The following SLC26A7 variants were observed in gnomAD, a reference collection of about 807,000 sequenced individuals.
SLC26A7 encodes anion exchange transporter.
A neutral mutation model predicts 82.5 loss-of-function variants in SLC26A7; 59 were observed. The ratio of observed to expected loss-of-function variants is 0.72; its 90% CI spans 0.58 to 0.89. SLC26A7 has a LOEUF of 0.89. SLC26A7 is among the 40% of genes least tolerant of loss of function. The pLI is 0.00. For synonymous variants in SLC26A7, 271 were observed against 274.3 expected (o/e 0.99, Z 0.12); for missense variants, 820 against 793.0 (o/e 1.03, Z -0.41).
chr8:91,316,821 C>A (rs1365254955), intron 4 of SLC26A7, among the ~76,000 whole-genome samples: 1 of 151,282 alleles, frequency 6.6e-6, no homozygotes, highest in African/African-American at 2.4e-5. Flanking sequence ...CTTCTCAAAG[C>A]TCTCTGGTAA....
chr8:91,297,665 TC>T (rs1812052628), intron 4 of SLC26A7, among the ~76,000 whole-genome samples: 1 of 152,124 alleles, frequency 6.6e-6, no homozygotes, highest in South Asian at 2.1e-4. Context: ...TTATTTGACC[TC>T]CAAACTCTTC....
At chr8:91,277,277 C>A (rs1278064334) in intron 2 of SLC26A7, among the ~76,000 whole-genome samples, 3 of 152,162 alleles carry the variant, frequency 2.0e-5, no homozygotes, top group Non-Finnish European at 2.9e-5. Flanking sequence ...ACATCTCTCT[C>A]GAGTGGAGGC....
chr8:91,338,367 A>C, intron 7 of SLC26A7, 135 bp downstream of exon 7: 1 of 558,002 alleles, frequency 1.8e-6, no homozygotes, highest in Non-Finnish European at 3.0e-6. Context: ...TGATAGAAAT[A>C]CACACTTCAT....
intron 13 of SLC26A7, among the ~76,000 whole-genome samples, chr8:91,365,873 C>T (rs1814178463): frequency 6.6e-6 from 1 of 152,034 alleles, no homozygotes; most frequent in African/African-American, 2.4e-5. Flanking sequence ...TAGAATTTAC[C>T]CTCCTGTCTA....
intron 5 of SLC26A7, among the ~76,000 whole-genome samples, chr8:91,323,726 TC>T (rs1268998914): frequency 6.6e-6 from 1 of 152,138 alleles, no homozygotes; most frequent in Non-Finnish European, 1.5e-5. Context: ...ATGTTGGTTT[TC>T]CCTCTTTCTT....
At chr8:91,376,999 C>G (rs966829165) in intron 15 of SLC26A7, among the ~76,000 whole-genome samples, 1 of 152,120 alleles carries the variant, frequency 6.6e-6, no homozygotes, top group African/African-American at 2.4e-5. Context: ...CTAAAACCAA[C>G]TCAGGGCAGA....
intron 2 of SLC26A7, among the ~76,000 whole-genome samples, chr8:91,234,292 T>G (rs1323124437): frequency 6.6e-6 from 1 of 152,216 alleles, no homozygotes; most frequent in Non-Finnish European, 1.5e-5. Flanking sequence ...ACTTTTTAAT[T>G]CTTTTCAAAA....
rs117571873 is a variant in SLC26A7, at chr8:91,394,374, A to C, written c.1935+335A>C. On this transcript the variant is annotated intron_variant, in intron 18 of 18. Transcript: ENST00000276609. ...GGGGACTTGAATCCACCTTTCTCAA[A>C]TATAAAAACTCTAAATATGGCCTTT... The C allele has an allele frequency of 6.3e-4, 976 of 1,539,200 alleles. 22 individuals are homozygous for C. The East Asian group carries it at 0.017, about 27-fold the overall frequency.
chr8:91,268,590 A>T (rs1586342905), intron 2 of SLC26A7, among the ~76,000 whole-genome samples: 1 of 151,722 alleles, frequency 6.6e-6, no homozygotes, highest in South Asian at 2.1e-4. Flanking sequence ...TAATTCATTC[A>T]GCCATATTCA....
At chr8:91,300,689 G>T (rs1021048335) in intron 4 of SLC26A7, among the ~76,000 whole-genome samples, 2 of 152,192 alleles carry the variant, frequency 1.3e-5, no homozygotes, top group South Asian at 4.1e-4. Context: ...GAGCCACCGC[G>T]CCCGGCCAGA....
chr8:91,383,361 C>G (rs139350877), intron 15 of SLC26A7, among the ~76,000 whole-genome samples: 1 of 152,038 alleles, frequency 6.6e-6, no homozygotes, highest in African/African-American at 2.4e-5. Context: ...CAATGGTAAA[C>G]TTAAGCTAAA....
chr8:91,354,358 G>C (rs1452948731), intron 11 of SLC26A7, among the ~76,000 whole-genome samples: 1 of 152,116 alleles, frequency 6.6e-6, no homozygotes, highest in African/African-American at 2.4e-5. Context: ...CAAAGATACA[G>C]AGATGAGTGT....
chr8:91,374,382 ACT>A (rs1814449473), intron 15 of SLC26A7, among the ~76,000 whole-genome samples: 1 of 135,212 alleles, frequency 7.4e-6, no homozygotes, highest in East Asian at 2.0e-4. Flanking sequence ...ACCTCTTAAC[ACT>A]GTTTTTTTTT....
chr8:91,357,310 A>G (rs1813897506), intron 11 of SLC26A7: 1 of 152,198 alleles, frequency 6.6e-6, no homozygotes, highest in Non-Finnish European at 1.5e-5. Flanking sequence ...ATTATCATCC[A>G]AATTTCACAG....
intron 2 of SLC26A7, among the ~76,000 whole-genome samples, chr8:91,278,553 T>C (rs1811469048): frequency 6.6e-6 from 1 of 152,198 alleles, no homozygotes; most frequent in South Asian, 2.1e-4. Flanking sequence ...TATTTTTTTC[T>C]GGATCATGGA....
intron 5 of SLC26A7, among the ~76,000 whole-genome samples, chr8:91,323,818 C>CTT (rs3086210): frequency 0.12 from 14,145 of 116,922 alleles, 1,148 homozygotes; most frequent in African/African-American, 0.18. Context: ...TTTTTCTTAT[C>CTT]TTTTTTTTTT....
intron 2 of SLC26A7, among the ~76,000 whole-genome samples, chr8:91,239,434 A>ATGTGTATATGTGTATATACG (rs1355404198): frequency 2.0e-5 from 3 of 146,694 alleles, no homozygotes; most frequent in Non-Finnish European, 4.5e-5. Context: ...ATATGTATAT[A>ATGTGTATATGTGTATATACG]TGTGTATATG....
At chr8:91,383,284 A>C (rs1814713933) in intron 15 of SLC26A7, among the ~76,000 whole-genome samples, 1 of 152,090 alleles carries the variant, frequency 6.6e-6, no homozygotes, top group African/African-American at 2.4e-5. Flanking sequence ...AAACTTTGAA[A>C]CTCTCAAACT....
At chr8:91,377,596 G>T (rs1323474771) in intron 15 of SLC26A7, among the ~76,000 whole-genome samples, 1 of 152,116 alleles carries the variant, frequency 6.6e-6, no homozygotes, top group Non-Finnish European at 1.5e-5. Context: ...GATAGTGAGG[G>T]CACACATGTG....
Sources: allele counts gnomAD v4.1 joint callset (sites outside exome capture counted in the v4.1 genomes callset), GRCh38; gene constraint gnomAD v4.1.1; transcripts MANE v1.5; gene names NCBI Gene and HGNC (gene_info 2026-07-23, HGNC 2026-07-21).